The following SLC39A14 variants were observed in gnomAD, a reference collection of about 807,000 sequenced individuals.
SLC39A14 encodes the protein metal cation symporter ZIP14.
SLC39A14 carries 19 observed loss-of-function variants against 45.5 expected under a neutral mutation model. The ratio of observed to expected loss-of-function variants is 0.42; its 90% CI spans 0.29 to 0.61. The LOEUF is 0.61. Ranked by LOEUF, SLC39A14 falls within the 20% of genes least tolerant of loss-of-function variation. The pLI, the probability that SLC39A14 is intolerant of heterozygous loss-of-function variation, is 0.22. For synonymous variants in SLC39A14, 264 were observed against 251.3 expected, an observed-to-expected ratio of 1.05 and a Z score of -0.48; for missense variants, 447 against 616.5, an observed-to-expected ratio of 0.73 and a Z score of 2.91.
intron 1 of SLC39A14, among the ~76,000 whole-genome samples, chr8:22,369,898 T>A (rs2132144821): frequency 6.6e-6 from 1 of 152,228 alleles, no homozygotes; most frequent in East Asian, 1.9e-4. Context: ...AGCCCAGGCG[T>A]AGGGTTGATT....
intron 3 of SLC39A14, chr8:22,409,946 T>C (rs1434612105): frequency 1.2e-6 from 2 of 1,613,834 alleles, no homozygotes; most frequent in East Asian, 2.2e-5. Flanking sequence ...TCCTCCACAG[T>C]GTGGGGCTTT....
chr8:22,379,343 T>G (rs944419037), intron 1 of SLC39A14: 1 of 152,196 alleles, frequency 6.6e-6, no homozygotes, highest in African/African-American at 2.4e-5. Context: ...TTCACCCCAC[T>G]AGATTCAGGG....
intron 1 of SLC39A14, among the ~76,000 whole-genome samples, chr8:22,383,394 A>G (rs1449607952): frequency 6.6e-6 from 1 of 152,212 alleles, no homozygotes; most frequent in Non-Finnish European, 1.5e-5. Context: ...CTGGAGGGAC[A>G]GACCTGGACC....
At chr8:22,419,512 G>C in intron 8 of SLC39A14, 40 bp from the exon 9 acceptor site, 1 of 1,576,862 alleles carries the variant, frequency 6.3e-7, no homozygotes, top group Non-Finnish European at 8.6e-7. Context: ...ACAAGATGAA[G>C]AAGGAATTGC....
chr8:22,399,849 C>A (rs967844133), intron 1 of SLC39A14, among the ~76,000 whole-genome samples: 2 of 152,368 alleles, frequency 1.3e-5, no homozygotes, highest in East Asian at 3.9e-4. Context: ...TTTCCCACAC[C>A]TGAAGTCTTT....
intron 1 of SLC39A14, among the ~76,000 whole-genome samples, chr8:22,376,999 T>G (rs1833253762): frequency 6.6e-6 from 1 of 152,210 alleles, no homozygotes; most frequent in South Asian, 2.1e-4. Context: ...TCCCCTAATT[T>G]TAGCACCCAT....
At position 22,421,587 on chromosome 8, in the gene SLC39A14, G is replaced by A. The variant is rs1016119873; in HGVS notation, c.*1889G>A. On this transcript the variant is annotated 3_prime_UTR_variant, in exon 9 of 9. Transcript: ENST00000381237. ...GTCATTATTATTGTTGTTTTTAAAC[G>A]GTTCTTTGTCTTTTCTGTTTTATTT... The A allele has an allele frequency of 2.6e-5, 26 of 985,474 alleles. No individual in the cohort carries two copies. In the Admixed American group the frequency reaches 4.9e-4, roughly 19 times the overall value. The allele number at this position is 985,474 out of a possible 1,614,324, so 61.0% of individuals were successfully genotyped here. A position where few individuals can be genotyped will look rare whatever the true frequency, so the allele number is the denominator to read the frequency against.
chr8:22,368,303 C>T (rs533639274), intron 1 of SLC39A14, among the ~76,000 whole-genome samples: 2 of 151,966 alleles, frequency 1.3e-5, no homozygotes, highest in Non-Finnish European at 2.9e-5. Context: ...AGTGGCTCTC[C>T]CCTAGGAGCC....
At chr8:22,402,641 C>G (rs1460267109) in intron 1 of SLC39A14, among the ~76,000 whole-genome samples, 2 of 149,354 alleles carry the variant, frequency 1.3e-5, no homozygotes, top group Admixed American at 1.3e-4. Flanking sequence ...TGGTGGCCAG[C>G]GCCTATAATC....
chr8:22,390,351 C>A (rs1186981977), intron 1 of SLC39A14: 4 of 151,344 alleles, frequency 2.6e-5, no homozygotes, highest in Non-Finnish European at 5.9e-5. Flanking sequence ...TGTCACCCAG[C>A]CTGGAGTGCA....
chr8:22,398,846 C>T (rs4872486), intron 1 of SLC39A14: 6 of 655,146 alleles, frequency 9.2e-6, no homozygotes, highest in Admixed American at 6.3e-5. Context: ...GCAACTTCTG[C>T]GCTTCCATAG....
At chr8:22,424,911 C>G (rs984898708), downstream of SLC39A14, among the ~76,000 whole-genome samples, 1 of 151,392 alleles carries the variant, frequency 6.6e-6, no homozygotes, top group Non-Finnish European at 1.5e-5. Context: ...CCTCTGTAAT[C>G]CCAGTTACTC....
At chr8:22,379,533 T>A (rs1015595325) in intron 1 of SLC39A14, 11 of 152,246 alleles carry the variant, frequency 7.2e-5, no homozygotes, top group African/African-American at 2.7e-4. Flanking sequence ...AAGGCTGGCC[T>A]AGAGGCCCTG....
At chr8:22,413,676 G>C (rs184979268) in intron 4 of SLC39A14, among the ~76,000 whole-genome samples, 1 of 152,102 alleles carries the variant, frequency 6.6e-6, no homozygotes, top group Non-Finnish European at 1.5e-5. Flanking sequence ...TTCAAGGCCC[G>C]TTTCCCATCA....
At chr8:22,394,852 T>C (rs531638071) in intron 1 of SLC39A14, among the ~76,000 whole-genome samples, 3 of 152,332 alleles carry the variant, frequency 2.0e-5, no homozygotes, top group South Asian at 2.1e-4. Flanking sequence ...CTGGGGATCA[T>C]ATTCTCGGCT....
intron 8 of SLC39A14, among the ~76,000 whole-genome samples, chr8:22,432,916 G>A (rs1836490653): frequency 6.7e-6 from 1 of 149,552 alleles, no homozygotes; most frequent in African/African-American, 2.5e-5. Flanking sequence ...GCCTCCCAAA[G>A]TGCTGGGATT....
At chr8:22,403,866 C>T (rs894669425) in intron 1 of SLC39A14, among the ~76,000 whole-genome samples, 56 of 151,484 alleles carry the variant, frequency 3.7e-4, no homozygotes, top group African/African-American at 1.1e-3. Context: ...TGCAGTGAGC[C>T]GAGATCGTGC....
intron 1 of SLC39A14, among the ~76,000 whole-genome samples, chr8:22,368,275 G>A (rs1200629022): frequency 6.6e-6 from 1 of 152,064 alleles, no homozygotes; most frequent in African/African-American, 2.4e-5. Flanking sequence ...AGCAAGCCTG[G>A]TTTGGGTTTA....
At chr8:22,386,129 G>C (rs1163825472) in intron 1 of SLC39A14, among the ~76,000 whole-genome samples, 4 of 151,718 alleles carry the variant, frequency 2.6e-5, no homozygotes, top group Non-Finnish European at 5.9e-5. Context: ...TTTTGGTAGA[G>C]ACGGGGTTTC....
Sources: gnomAD v4.1 joint callset for allele counts (sites outside exome capture counted in the v4.1 genomes callset) on GRCh38, gnomAD v4.1.1 for gene constraint, MANE v1.5 for transcripts, NCBI Gene and HGNC (gene_info 2026-07-23, HGNC 2026-07-21) for gene names.